Variants in NCOA1 observed in about 807,000 individuals in gnomAD.
NCOA1 encodes the protein nuclear receptor coactivator 1.
In NCOA1, 35 loss-of-function variants were observed where a neutral mutation model predicts 150.9. The ratio of observed to expected loss-of-function variants is 0.23; its 90% CI spans 0.18 to 0.31. The LOEUF (loss-of-function observed/expected upper bound fraction) is 0.31. Ranked by LOEUF, NCOA1 falls within the 10% of genes least tolerant of loss-of-function variation. The probability of loss-of-function intolerance (pLI) is 1.00; values close to 1 mark genes in which losing one functional copy is unlikely to be tolerated. For missense variants in NCOA1, 1,491 were observed against 1,749.3 expected (o/e 0.85, Z 2.63); for synonymous variants, 590 against 630.0 (o/e 0.94, Z 0.95).
Position 24,741,781 on chromosome 2 carries a change from C to T in NCOA1, c.3304-3C>T, listed in dbSNP as rs1342013318. The T allele has an allele frequency of 1.2e-5, 19 of 1,597,372 alleles. No homozygotes were observed. The highest frequency in any genetic ancestry group is 2.2e-5 in the South Asian group (2 of 88,898). On this transcript the variant is annotated splice_region_variant and splice_polypyrimidine_tract_variant and intron_variant, in intron 18 of 22. Coordinates refer to ENST00000348332, the MANE Select transcript of NCOA1 (RefSeq NM_003743.5). The stretch of plus-strand genomic sequence containing the variant: ...AGTAAGTGAGTTTTTTCCTGCTTTT[C>T]AGCCACCCCTGAATGCTCAAATGTT...
chr2:24,650,745 A>G lies in NCOA1; in HGVS notation c.-18+6623A>G, dbSNP rs573897303. The stretch of plus-strand genomic sequence containing the variant: ...ATCATAAAATGATCAAGGAAATGTA[A>G]GTAAAAGCCACTTTATCACCTCACA... On this transcript the variant is annotated intron_variant, in intron 4 of 22. Coordinates refer to ENST00000348332, the MANE Select transcript of NCOA1 (RefSeq NM_003743.5). 2.9e-3 allele frequency among the ~76,000 whole-genome samples: 446 copies of G among 152,326 alleles called. 2 individuals carry two copies. The highest frequency in any genetic ancestry group is 4.1e-3 in the Non-Finnish European group (278 of 68,008).
chr2:24,566,494 T>C (rs1666512340), intron 2 of NCOA1, among the ~76,000 whole-genome samples: 1 of 152,184 alleles, frequency 6.6e-6, no homozygotes, highest in Non-Finnish European at 1.5e-5. Context: ...TCCAGGGTTT[T>C]TATGGGCTTC....
At chr2:24,654,809 T>G (rs1397585174) in intron 4 of NCOA1, among the ~76,000 whole-genome samples, 2 of 152,040 alleles carry the variant, frequency 1.3e-5, no homozygotes, top group African/African-American at 4.8e-5. Context: ...AAAAAGCAGT[T>G]ATGCTCCTGC....
intron 8 of NCOA1, 85 bp from the exon 9 acceptor site, chr2:24,691,396 A>G: frequency 7.9e-7 from 1 of 1,268,462 alleles, no homozygotes; most frequent in East Asian, 2.3e-5. Context: ...AATTAAGCAG[A>G]TGGCTTAAAG....
chr2:24,496,021 C>T (rs1183601454), intron 1 of NCOA1, among the ~76,000 whole-genome samples: 1 of 152,120 alleles, frequency 6.6e-6, no homozygotes, highest in African/African-American at 2.4e-5. Flanking sequence ...TCTGGTCCTC[C>T]TGTCATTTGC....
chr2:24,743,228 A>C (rs1275256779), intron 19 of NCOA1, among the ~76,000 whole-genome samples: 1 of 152,264 alleles, frequency 6.6e-6, no homozygotes, highest in Middle Eastern at 3.2e-3. Context: ...GCTGCTTAAA[A>C]ATGAATTTCA....
chr2:24,527,499 A>G (rs1664699738), intron 1 of NCOA1, among the ~76,000 whole-genome samples: 1 of 152,166 alleles, frequency 6.6e-6, no homozygotes, highest in Admixed American at 6.5e-5. Flanking sequence ...TCCTTTTTTA[A>G]GGCTTACATA....
chr2:24,688,235 G>A (rs1307273897), intron 8 of NCOA1, among the ~76,000 whole-genome samples: 1 of 152,040 alleles, frequency 6.6e-6, no homozygotes, highest in Non-Finnish European at 1.5e-5. Context: ...CTGTCTTTAT[G>A]GTGGAATGAT....
Position 24,758,049 on chromosome 2 carries a change from T to C in NCOA1, c.3958T>C (p.Ser1320Pro). 6.2e-7 allele frequency: 1 copy of C among 1,614,162 alleles called. No homozygotes were observed. The highest frequency in any genetic ancestry group is 2.2e-5 in the East Asian group (1 of 44,880). The change falls in exon 21 of 23, where the codon TCC (serine) becomes CCC (proline). Residue 1320 changes from serine to proline, a missense_variant. By Grantham distance (74) the Ser-to-Pro change is moderately conservative (BLOSUM62 -1). Transcript: ENST00000348332. ...ATACAACAACATGAGCATCACCGTT[T>C]CCATGGCAGGTGGAAATACGAATGT... ...GVYNNMSITV[S>P]MAGGNTNVQN...
chr2:24,638,714 G>C (rs1670051565), intron 3 of NCOA1, among the ~76,000 whole-genome samples: 1 of 152,102 alleles, frequency 6.6e-6, no homozygotes, highest in Non-Finnish European at 1.5e-5. Context: ...TTACCTCATT[G>C]TGGTTTTGAT....
chr2:24,505,430 C>T (rs758385056), intron 1 of NCOA1, among the ~76,000 whole-genome samples: 3 of 152,170 alleles, frequency 2.0e-5, no homozygotes, highest in African/African-American at 4.8e-5. Flanking sequence ...CCACCTGCCT[C>T]GGTCTCCCGA....
At chr2:24,742,453 C>T (rs1336497838) in intron 19 of NCOA1, among the ~76,000 whole-genome samples, 1 of 151,700 alleles carries the variant, frequency 6.6e-6, no homozygotes, top group African/African-American at 2.4e-5. Context: ...GTACGTTCCC[C>T]CTTTTTTTTT....
Position 24,769,205 on chromosome 2 carries a change from T to TA in NCOA1, c.*815dup. ...GCTTTTATTGTATTAACAGCTGAGG[T>TA]AGCTAAAGTTATTTAAAATAAAATT... On this transcript the variant is annotated 3_prime_UTR_variant, in exon 23 of 23. Transcript: ENST00000348332. 5.2e-6 allele frequency: 1 copy of TA among 193,262 alleles called. No individual in the cohort carries two copies. The highest frequency in any genetic ancestry group is 8.2e-5 in the East Asian group (1 of 12,138). 12.0% of individuals were successfully genotyped at this position (193,262 alleles called of 1,614,324 possible). A position where few individuals can be genotyped will look rare whatever the true frequency, so the allele number is the denominator to read the frequency against.
rs1362341314 is a variant in NCOA1 at position 24,730,239 on chromosome 2, T to C, written c.3201+424T>C. ...GTCAAGTCCACTCCCAGAACTTTCA[T>C]GAAAGACTTGAAGAGCCATCCTTCC... On this transcript the variant is annotated intron_variant, in intron 17 of 22. Coordinates refer to ENST00000348332, the MANE Select transcript of NCOA1 (RefSeq NM_003743.5). Among the ~76,000 whole-genome samples, 4 of 152,332 alleles carry C rather than the reference T, an allele frequency of 2.6e-5. No individual in the cohort carries two copies. The East Asian group carries it at 7.7e-4, about 29-fold the overall frequency.
At chr2:24,642,616 A>G (rs7581950) in intron 3 of NCOA1, among the ~76,000 whole-genome samples, 7,677 of 152,202 alleles carry the variant, frequency 0.05, 320 homozygotes, top group African/African-American at 0.12. Context: ...TATACAACTC[A>G]GCAATTACAG....
intron 14 of NCOA1, among the ~76,000 whole-genome samples, chr2:24,719,294 T>G (rs1289004178): frequency 3.3e-5 from 5 of 152,138 alleles, no homozygotes; most frequent in Admixed American, 2.6e-4. Flanking sequence ...TTAGGAAGAT[T>G]GATAGCCAAG....
intron 1 of NCOA1, among the ~76,000 whole-genome samples, chr2:24,545,863 G>A (rs2148207229): frequency 6.6e-6 from 1 of 152,248 alleles, no homozygotes; most frequent in Non-Finnish European, 1.5e-5. Context: ...CACGATCTCG[G>A]CTCACTGCAA....
chr2:24,707,430 T>G lies in NCOA1; in HGVS notation c.1960T>G (p.Cys654Gly). 1 of 1,614,204 alleles carries G rather than the reference T, an allele frequency of 6.2e-7. No individual in the cohort carries two copies. Among genetic ancestry groups the G allele is most frequent in the African/African-American group, 1.3e-5 (1 of 75,054 alleles). Residue 654 changes from cysteine (C) to glycine (G), a missense_variant, in exon 13 of 23, where the codon TGC (cysteine) becomes GGC (glycine). Transcript: ENST00000348332. ...QLRHADIDTS[C>G]KDVLSCTGTS... ...ACGGCATGCTGATATAGACACAAGC[T>G]GCAAAGATGTCCTGTCTTGCACAGG...
intron 1 of NCOA1, among the ~76,000 whole-genome samples, chr2:24,557,905 A>G (rs1241792249): frequency 6.6e-6 from 1 of 151,450 alleles, no homozygotes; most frequent in Non-Finnish European, 1.5e-5. Flanking sequence ...CAGCAGTTTG[A>G]CTATGATATA....
Sources: gnomAD v4.1 joint callset for allele counts (sites outside exome capture counted in the v4.1 genomes callset) on GRCh38, gnomAD v4.1.1 for gene constraint, MANE v1.5 for transcripts, NCBI Gene and HGNC (gene_info 2026-07-23, HGNC 2026-07-21) for gene names.